DRC4: variants seen among roughly 807,000 people sequenced by gnomAD.
DRC4 encodes the protein GAS-11.
chr16:90,037,451 T>A, the DRC4 span: 2 of 1,555,464 alleles, frequency 1.3e-6, no homozygotes, highest in Admixed American at 3.7e-5. Context: ...TTGCCTAGGC[T>A]CAGGAGGGAG....
chr16:90,021,668 A>T, the DRC4 span, among the ~76,000 whole-genome samples: 1 of 151,860 alleles, frequency 6.6e-6, no homozygotes, highest in East Asian at 1.9e-4. Context: ...GGAGTTTGAG[A>T]CCACTCTGGG....
chr16:90,022,668 C>G, the DRC4 span: 7 of 1,419,614 alleles, frequency 4.9e-6, no homozygotes, highest in Non-Finnish European at 5.6e-6. Flanking sequence ...GGCGTGGCTT[C>G]CGGGGGCGGG....
the DRC4 span, among the ~76,000 whole-genome samples, chr16:90,035,324 A>G: frequency 2.0e-5 from 3 of 152,168 alleles, no homozygotes; most frequent in Non-Finnish European, 4.4e-5. Context: ...GAATCCTTTT[A>G]ATATGCTGCT....
chr16:90,027,748 T>A, the DRC4 span: 2 of 1,487,582 alleles, frequency 1.3e-6, no homozygotes, highest in Non-Finnish European at 1.9e-6. Flanking sequence ...TGTGGCCCAG[T>A]CCCCGGGTGG....
At chr16:90,041,307 G>GT in the DRC4 span, among the ~76,000 whole-genome samples, 45 of 152,308 alleles carry the variant, frequency 3.0e-4, no homozygotes, top group Middle Eastern at 3.4e-3. Context: ...AATGACAGAG[G>GT]CCCCCGCAGG....
At chr16:90,039,963 C>T in the DRC4 span, 2 of 363,196 alleles carry the variant, frequency 5.5e-6, no homozygotes, top group East Asian at 6.1e-5. Flanking sequence ...GAGCCCACAG[C>T]CCTCACTCGG....
the DRC4 span, among the ~76,000 whole-genome samples, chr16:90,034,494 C>G: frequency 1.3e-5 from 2 of 151,974 alleles, no homozygotes; most frequent in Non-Finnish European, 2.9e-5. Flanking sequence ...TGGTGGCGCA[C>G]ACCTATAATC....
the DRC4 span, chr16:90,020,301 GTC>G: frequency 5.2e-6 from 2 of 383,290 alleles, no homozygotes; most frequent in African/African-American, 5.1e-5. Context: ...ATGATTGTAT[GTC>G]TCAAAAAAAA....
chr16:90,038,419 C>A, the DRC4 span, among the ~76,000 whole-genome samples: 1 of 152,352 alleles, frequency 6.6e-6, no homozygotes, highest in South Asian at 2.1e-4. Flanking sequence ...CTTTTCACAG[C>A]TGCTTGGTGC....
the DRC4 span, chr16:90,028,884 G>T: frequency 8.4e-7 from 1 of 1,190,872 alleles, no homozygotes; most frequent in East Asian, 5.7e-5. Flanking sequence ...ACCTGAAGTT[G>T]GAGCTAGGCA....
the DRC4 span, chr16:90,027,843 C>T: frequency 2.3e-6 from 2 of 877,658 alleles, no homozygotes; most frequent in Admixed American, 2.3e-5. Context: ...CCAGAACACG[C>T]CCCCCGCGTG....
At chr16:90,032,919 C>T in the DRC4 span, 67 of 1,612,878 alleles carry the variant, frequency 4.2e-5, no homozygotes, top group East Asian at 4.5e-4. Context: ...GAAGAACCTG[C>T]GGCTGGTAGG....
chr16:90,031,473 G>C, the DRC4 span: 1 of 1,575,862 alleles, frequency 6.3e-7, no homozygotes, highest in Non-Finnish European at 8.6e-7. Flanking sequence ...AGAAGCCGAG[G>C]AGAGGCACCA....
the DRC4 span, chr16:90,027,689 T>C: frequency 6.2e-7 from 1 of 1,613,482 alleles, no homozygotes; most frequent in Non-Finnish European, 8.5e-7. Flanking sequence ...CGATTGTCGA[T>C]GGGCTCGCTC....
At chr16:90,040,552 C>A in the DRC4 span, 13 of 1,504,314 alleles carry the variant, frequency 8.6e-6, no homozygotes, top group African/African-American at 1.0e-4. Context: ...GCGGCCTCAT[C>A]CCTGTGGCAA....
At chr16:90,036,689 C>G in the DRC4 span, 11 of 957,904 alleles carry the variant, frequency 1.1e-5, no homozygotes, top group Non-Finnish European at 1.8e-5. Context: ...CCCAACACAC[C>G]CAGTACTTTT....
chr16:90,043,179 C>A, the DRC4 span: 2 of 1,600,546 alleles, frequency 1.2e-6, no homozygotes, highest in African/African-American at 1.3e-5. Flanking sequence ...CTCCCTGACA[C>A]TGCCCTGTCT....
the DRC4 span, chr16:90,035,910 C>T: frequency 1.4e-6 from 2 of 1,443,564 alleles, no homozygotes; most frequent in African/African-American, 2.9e-5. Context: ...TTACCACACA[C>T]ATTCCCACTC....
At chr16:90,042,998 C>G in the DRC4 span, 18 of 580,762 alleles carry the variant, frequency 3.1e-5, no homozygotes, top group Non-Finnish European at 4.5e-5. Flanking sequence ...ATAGTGACAG[C>G]CTCTCCCTGT....
Sources: gnomAD v4.1 joint callset for allele counts (sites outside exome capture counted in the v4.1 genomes callset) on GRCh38, gnomAD v4.1.1 for gene constraint, MANE v1.5 for transcripts, NCBI Gene and HGNC (gene_info 2026-07-23, HGNC 2026-07-21) for gene names.